Variants in C1D observed in about 807,000 individuals in gnomAD.
The protein encoded by C1D is nuclear nucleic acid-binding protein C1D.
C1D carries 10 observed loss-of-function variants against 17.5 expected under a neutral mutation model. The observed-to-expected ratio is 0.57, with a 90% CI of 0.35 to 0.97. C1D has a LOEUF of 0.97. Among genes scored for constraint, C1D ranks in the 50% least tolerant of loss-of-function variants. C1D has a pLI of 0.01. For missense variants in C1D, 136 were observed against 160.1 expected (o/e 0.85, Z 0.81); for synonymous variants, 49 against 54.0 (o/e 0.91, Z 0.40).
Position 68,049,040 on chromosome 2 carries a change from T to C in C1D, c.-9-1721A>G, listed in dbSNP as rs568716339. On this transcript the variant is annotated intron_variant, in intron 1 of 4. Coordinates refer to ENST00000410067, the MANE Select transcript of C1D (RefSeq NM_173177.3). Reference sequence around the variant, plus strand: ...AGTGAAACCCCATCTCTACTAAAAATACAAAAATTAGCCAGGCGTGGTGGC... The same window carrying C: ...AGTGAAACCCCATCTCTACTAAAAACACAAAAATTAGCCAGGCGTGGTGGC... Among the ~76,000 whole-genome samples the C allele has an allele frequency of 2.6e-5, 4 of 151,868 alleles. No homozygotes were observed. In the East Asian group the frequency reaches 7.8e-4, roughly 29 times the overall value.
intron 1 of C1D, among the ~76,000 whole-genome samples, chr2:68,056,357 C>G (rs1023431570): frequency 3.9e-5 from 6 of 152,044 alleles, no homozygotes; most frequent in Non-Finnish European, 7.3e-5. Context: ...CCACCTCAGC[C>G]TCCCAAAGTG....
At position 68,049,239 on chromosome 2, in the gene C1D, G is replaced by A. The variant is rs1274380605; in HGVS notation, c.-9-1920C>T. Among the ~76,000 whole-genome samples the A allele has an allele frequency of 5.4e-5, 8 of 148,358 alleles. No individual in the cohort carries two copies. The East Asian group carries it at 1.6e-3, about 29-fold the overall frequency. On this transcript the variant is annotated intron_variant, in intron 1 of 4. Coordinates refer to ENST00000410067, the MANE Select transcript of C1D (RefSeq NM_173177.3). ...AGCAAATGGGATCAGACTGCAAACA[G>A]GAAACAAAGCCAAGAAACCTTACAA...
intron 1 of C1D, among the ~76,000 whole-genome samples, chr2:68,056,532 C>T (rs963362191): frequency 9.9e-5 from 15 of 151,998 alleles, no homozygotes; most frequent in Admixed American, 7.2e-4. Flanking sequence ...AAGACATATG[C>T]AACACAAAGA....
At chr2:68,058,411 G>T (rs558024017) in intron 1 of C1D, among the ~76,000 whole-genome samples, 1 of 152,316 alleles carries the variant, frequency 6.6e-6, no homozygotes, top group Non-Finnish European at 1.5e-5. Context: ...TCTGAGGGAA[G>T]ACAGAAAGCT....
intron 1 of C1D, 54 bp from the exon 2 acceptor site, chr2:68,047,373 GTTTCC>G: frequency 7.1e-7 from 1 of 1,411,200 alleles, no homozygotes; most frequent in Admixed American, 2.4e-5. Context: ...TTGTTCTTTA[GTTTCC>G]AAAAAAAAAA....
intron 4 of C1D, among the ~76,000 whole-genome samples, chr2:68,044,838 T>C (rs1431198629): frequency 6.6e-6 from 1 of 152,196 alleles, no homozygotes; most frequent in Non-Finnish European, 1.5e-5. Flanking sequence ...ACAAATGACC[T>C]TGTCCTTTCA....
chr2:68,055,892 C>T (rs1671425548), intron 1 of C1D, among the ~76,000 whole-genome samples: 1 of 152,168 alleles, frequency 6.6e-6, no homozygotes, highest in Non-Finnish European at 1.5e-5. Flanking sequence ...TAGAATACAA[C>T]TCCGTTCATA....
chr2:68,052,092 T>G (rs1352528199), intron 1 of C1D, among the ~76,000 whole-genome samples: 1 of 152,064 alleles, frequency 6.6e-6, no homozygotes, highest in South Asian at 2.1e-4. Context: ...TTACATGTCT[T>G]CTAAAAATAA....
At chr2:68,046,309 T>C (rs1671120032) in intron 3 of C1D, 35 bp downstream of exon 3, 3 of 1,440,452 alleles carry the variant, frequency 2.1e-6, no homozygotes, top group Non-Finnish European at 2.9e-6. Flanking sequence ...AATAAGTAAT[T>C]TGCTTTCTAA....
chr2:68,059,224 G>A (rs1671546606), intron 1 of C1D, among the ~76,000 whole-genome samples: 1 of 152,154 alleles, frequency 6.6e-6, no homozygotes, highest in Non-Finnish European at 1.5e-5. Flanking sequence ...CTAATAGAGT[G>A]AGAACTCAAC....
chr2:68,053,264 C>T, intron 1 of C1D: 1 of 1,487,498 alleles, frequency 6.7e-7, no homozygotes, highest in African/African-American at 1.4e-5. Context: ...ACAGATGTTA[C>T]TGCCACTCAG....
chr2:68,059,485 G>C (rs1290143738), intron 1 of C1D, among the ~76,000 whole-genome samples: 1 of 152,062 alleles, frequency 6.6e-6, no homozygotes, highest in Non-Finnish European at 1.5e-5. Flanking sequence ...AAACAAAAGT[G>C]GTCTCTTCTT....
chr2:68,060,214 A>T (rs1466893959), intron 1 of C1D, among the ~76,000 whole-genome samples: 2 of 152,026 alleles, frequency 1.3e-5, no homozygotes, highest in African/African-American at 4.8e-5. Context: ...CTCCACCTTC[A>T]CTTCTTTCCA....
At chr2:68,061,185 T>C (rs920811520) in intron 1 of C1D, among the ~76,000 whole-genome samples, 10 of 152,226 alleles carry the variant, frequency 6.6e-5, no homozygotes, top group African/African-American at 2.2e-4. Flanking sequence ...AATGAATTAC[T>C]GTAATGACTT....
chr2:68,052,581 ACAAG>A (rs1287629302), intron 1 of C1D, among the ~76,000 whole-genome samples: 1 of 152,180 alleles, frequency 6.6e-6, no homozygotes, highest in African/African-American at 2.4e-5. Flanking sequence ...GCCCCAATAA[ACAAG>A]CAGTTATTTA....
intron 4 of C1D, 60 bp downstream of exon 4, chr2:68,045,928 G>C: frequency 8.6e-7 from 1 of 1,163,128 alleles, no homozygotes; most frequent in South Asian, 1.4e-5. Context: ...CAAAGGTAGT[G>C]TGACAAACCT....
rs570435097 is a variant in C1D at position 68,062,478 on chromosome 2, T to A, written c.-10+480A>T. ...GTCGAAATTAGCCCACTATCTCAGA[T>A]GAGCTAATACTGCAGCAGCAGGCAG... On this transcript the variant is annotated intron_variant, in intron 1 of 4. Coordinates refer to ENST00000410067, the MANE Select transcript of C1D (RefSeq NM_173177.3). Among the ~76,000 whole-genome samples, 11 of 152,318 alleles carry A rather than the reference T, an allele frequency of 7.2e-5. No homozygotes were observed. The South Asian group carries it at 2.3e-3, about 32-fold the overall frequency.
At chr2:68,045,691 A>G (rs1000756295) in intron 4 of C1D, among the ~76,000 whole-genome samples, 5 of 152,136 alleles carry the variant, frequency 3.3e-5, no homozygotes, top group Non-Finnish European at 7.4e-5. Flanking sequence ...AAGTTTAAAA[A>G]AAAAAGTAGT....
Position 68,041,832 on chromosome 2 carries a change from C to G in C1D, c.*1057G>C, listed in dbSNP as rs1178916284. 1 of 151,874 alleles carries G rather than the reference C, an allele frequency of 6.6e-6. No homozygotes were observed. Among genetic ancestry groups the G allele is most frequent in the East Asian group, 1.9e-4 (1 of 5,184 alleles). 9.4% of individuals were successfully genotyped at this position (151,874 alleles called of 1,614,324 possible). On this transcript the variant is annotated 3_prime_UTR_variant, in exon 5 of 5. Transcript: ENST00000410067. ...ATGATATGGATTCAAACACTGAAAGCATTAAGGGCATATAATTAAAATTCA... is the reference window on the plus strand; with the variant it reads ...ATGATATGGATTCAAACACTGAAAGGATTAAGGGCATATAATTAAAATTCA...
Sources: allele counts gnomAD v4.1 joint callset (sites outside exome capture counted in the v4.1 genomes callset), GRCh38; gene constraint gnomAD v4.1.1; transcripts MANE v1.5; gene names NCBI Gene and HGNC (gene_info 2026-07-23, HGNC 2026-07-21).